Variants in AGPAT5 observed in about 807,000 individuals in gnomAD.
AGPAT5 encodes 1-acylglycerol-3-phosphate O-acyltransferase 5.
Under a neutral mutation model 45.6 loss-of-function variants are expected in AGPAT5, and 46 were observed. The ratio of observed to expected loss-of-function variants is 1.01; its 90% CI spans 0.80 to 1.29. The LOEUF (loss-of-function observed/expected upper bound fraction) is 1.29, where lower values mean the gene tolerates loss of function less well. Ranked by LOEUF, AGPAT5 falls within the 50% of genes most tolerant of loss-of-function variation. The pLI is 0.00. For missense variants in AGPAT5, 673 were observed against 450.7 expected, an observed-to-expected ratio of 1.49 and a Z score of -4.47; for synonymous variants, 272 against 167.0, an observed-to-expected ratio of 1.63 and a Z score of -4.85.
rs1023729081 is a variant in AGPAT5 at position 6,760,218 on chromosome 8, C to A, written c.*2830C>A. 1.2e-4 allele frequency among the ~76,000 whole-genome samples: 19 copies of A among 152,082 alleles called. No individual in the cohort carries two copies. The highest frequency in any genetic ancestry group is 4.1e-4 in the African/African-American group (17 of 41,478). ...ACCAGCCTGGGCAACATATCGAGAA[C>A]CTGTCTACAAAAAAATTAAAAAAAA... On this transcript the variant is annotated 3_prime_UTR_variant, in exon 8 of 8. Coordinates refer to ENST00000285518, the MANE Select transcript of AGPAT5 (RefSeq NM_018361.5).
At chr8:6,732,515 G>A in intron 3 of AGPAT5, 46 bp from the exon 4 acceptor site, 1 of 1,520,642 alleles carries the variant, frequency 6.6e-7, no homozygotes, top group African/African-American at 1.4e-5. Flanking sequence ...CTGGCCAATT[G>A]TTATTTTAAA....
intron 6 of AGPAT5, among the ~76,000 whole-genome samples, chr8:6,748,918 C>G (rs955998277): frequency 1.5e-4 from 23 of 152,286 alleles, no homozygotes; most frequent in African/African-American, 5.3e-4. Context: ...AAGCATTCGT[C>G]TGAAGTTGAT....
intron 1 of AGPAT5, among the ~76,000 whole-genome samples, chr8:6,717,522 G>A (rs1466429058): frequency 1.3e-5 from 2 of 152,218 alleles, no homozygotes; most frequent in Non-Finnish European, 2.9e-5. Context: ...TAGCAGTGCA[G>A]AAAGATGTCA....
chr8:6,720,165 C>G (rs74391177), intron 1 of AGPAT5, among the ~76,000 whole-genome samples: 2,320 of 152,190 alleles, frequency 0.015, 71 homozygotes, highest in East Asian at 0.13. Context: ...TAGATAGTGT[C>G]CACCAGGATG....
At chr8:6,746,870 G>A (rs1801486817) in intron 5 of AGPAT5, among the ~76,000 whole-genome samples, 1 of 152,142 alleles carries the variant, frequency 6.6e-6, no homozygotes, top group African/African-American at 2.4e-5. Context: ...TTTTAATCAA[G>A]GAAAAGGGAG....
rs569364164 is a variant in AGPAT5, at chr8:6,753,222, G to A, written c.746-1829G>A. ...TTCCAAAGCTGACGTCTTAGTAGAGGCCCTGCCACGTCCTGAGCACTGTAC... is the reference window on the plus strand; with the variant it reads ...TTCCAAAGCTGACGTCTTAGTAGAGACCCTGCCACGTCCTGAGCACTGTAC... On this transcript the variant is annotated intron_variant, in intron 6 of 7. Coordinates refer to ENST00000285518, the MANE Select transcript of AGPAT5 (RefSeq NM_018361.5). 2.6e-5 allele frequency among the ~76,000 whole-genome samples: 4 copies of A among 152,272 alleles called. No individual in the cohort carries two copies. In the South Asian group the frequency reaches 8.3e-4, roughly 32 times the overall value.
intron 4 of AGPAT5, among the ~76,000 whole-genome samples, chr8:6,738,890 G>A (rs1163876667): frequency 1.3e-5 from 2 of 151,508 alleles, no homozygotes; most frequent in African/African-American, 4.9e-5. Context: ...AGAAGTCCTT[G>A]CCAAACTTAA....
chr8:6,755,700 T>G (rs1157638660), intron 7 of AGPAT5, among the ~76,000 whole-genome samples: 1 of 152,238 alleles, frequency 6.6e-6, no homozygotes, highest in Non-Finnish European at 1.5e-5. Context: ...AGCCAATTGT[T>G]TTATTCTCTA....
intron 6 of AGPAT5, among the ~76,000 whole-genome samples, chr8:6,748,062 C>G (rs192825564): frequency 1.4e-5 from 2 of 146,460 alleles, no homozygotes; most frequent in Admixed American, 6.8e-5. Flanking sequence ...TATCATTAAT[C>G]CAGCCTCTTT....
At chr8:6,748,765 A>C (rs370715960) in intron 6 of AGPAT5, among the ~76,000 whole-genome samples, 90 of 152,290 alleles carry the variant, frequency 5.9e-4, no homozygotes, top group African/African-American at 2.2e-3. Flanking sequence ...TCGGCCTCCC[A>C]AATGAGCTTT....
At chr8:6,712,107 C>CT (rs1563279629) in intron 1 of AGPAT5, among the ~76,000 whole-genome samples, 1 of 152,052 alleles carries the variant, frequency 6.6e-6, no homozygotes, top group African/African-American at 2.4e-5. Flanking sequence ...TTTAACTTGC[C>CT]TTATTTCTTT....
chr8:6,747,717 C>CA lies in AGPAT5; in HGVS notation c.635dup (p.His212GlnfsTer5). On this transcript the variant is annotated frameshift_variant, in exon 6 of 8. Coordinates refer to ENST00000285518, the MANE Select transcript of AGPAT5 (RefSeq NM_018361.5). LOFTEE classifies it high-confidence loss of function. ...GCTAACACCACGAATAAAGGCAACT[C>CA]ACGTTGCTTTTGATTGCATGAAGAA... The CA allele has an allele frequency of 6.2e-7, 1 of 1,614,016 alleles. No homozygotes were observed.
intron 6 of AGPAT5, among the ~76,000 whole-genome samples, chr8:6,751,066 G>T (rs1801641631): frequency 6.6e-6 from 1 of 151,850 alleles, no homozygotes; most frequent in African/African-American, 2.4e-5. Context: ...CACTGGCTCA[G>T]CCCTGCTTTC....
At chr8:6,739,167 C>T (rs1460838748) in intron 4 of AGPAT5, among the ~76,000 whole-genome samples, 2 of 151,926 alleles carry the variant, frequency 1.3e-5, no homozygotes, top group South Asian at 2.1e-4. Context: ...TATCCTTATG[C>T]CAATACCATA....
Position 6,758,831 on chromosome 8 carries a change from C to T in AGPAT5, c.*1443C>T, listed in dbSNP as rs924988178. On this transcript the variant is annotated 3_prime_UTR_variant, in exon 8 of 8. Coordinates refer to ENST00000285518, the MANE Select transcript of AGPAT5 (RefSeq NM_018361.5). Reference sequence around the variant, plus strand: ...ATTTCCTCATAGTCCTTTAAGTTGACATTTCTGCTTACTGCTACTGGATTT... The same window carrying T: ...ATTTCCTCATAGTCCTTTAAGTTGATATTTCTGCTTACTGCTACTGGATTT... 2 of 152,620 alleles carry T rather than the reference C, an allele frequency of 1.3e-5. No individual in the cohort carries two copies. The highest frequency in any genetic ancestry group is 4.8e-5 in the African/African-American group (2 of 41,438). 9.5% of individuals were successfully genotyped at this position (152,620 alleles called of 1,614,324 possible).
In AGPAT5 at chr8:6,759,929, C is replaced by T. The variant is rs971353602; in HGVS notation, c.*2541C>T. The stretch of plus-strand genomic sequence containing the variant: ...TAATCATTAAGTGATCTCAGTGAAA[C>T]ATGTCAAATGCCTTAAATTAACTAA... On this transcript the variant is annotated 3_prime_UTR_variant, in exon 8 of 8. Transcript: ENST00000285518. Among the ~76,000 whole-genome samples the T allele has an allele frequency of 1.3e-5, 2 of 152,156 alleles. No individual in the cohort carries two copies. Among genetic ancestry groups the T allele is most frequent in the Non-Finnish European group, 2.9e-5 (2 of 68,014 alleles).
At chr8:6,756,724 T>A (rs1801850826) in intron 7 of AGPAT5, among the ~76,000 whole-genome samples, 1 of 152,002 alleles carries the variant, frequency 6.6e-6, no homozygotes, top group South Asian at 2.1e-4. Flanking sequence ...CTCTGCCGGG[T>A]ATCCTGGGAC....
chr8:6,742,600 T>C (rs1200719486), intron 5 of AGPAT5, among the ~76,000 whole-genome samples: 1 of 152,226 alleles, frequency 6.6e-6, no homozygotes, highest in African/African-American at 2.4e-5. Flanking sequence ...ATCTGTTCTG[T>C]CCAGTGTGCT....
At chr8:6,741,633 T>G in intron 4 of AGPAT5, 28 bp from the exon 5 acceptor site, 1 of 1,533,160 alleles carries the variant, frequency 6.5e-7, no homozygotes, top group Non-Finnish European at 8.8e-7. Flanking sequence ...TCACACAAAA[T>G]AAACCAAATT....
Sources: gnomAD v4.1 joint callset for allele counts (sites outside exome capture counted in the v4.1 genomes callset) on GRCh38, gnomAD v4.1.1 for gene constraint, MANE v1.5 for transcripts, NCBI Gene and HGNC (gene_info 2026-07-23, HGNC 2026-07-21) for gene names.